The following YY1AP1 variants were observed in gnomAD, a reference collection of about 807,000 sequenced individuals.
The protein encoded by YY1AP1 is YY1-associated protein 1.
A neutral mutation model predicts 39.9 loss-of-function variants in YY1AP1; 43 were observed. That is an observed-to-expected ratio of 1.08 (90% CI 0.84 to 1.39). YY1AP1 has a LOEUF of 1.39. Ranked by LOEUF, YY1AP1 falls within the 40% of genes most tolerant of loss-of-function variation. The pLI, the probability that YY1AP1 is intolerant of heterozygous loss-of-function variation, is 0.00. For synonymous variants in YY1AP1, 292 were observed against 331.3 expected, an observed-to-expected ratio of 0.88 and a Z score of 1.29; for missense variants, 813 against 900.7, an observed-to-expected ratio of 0.90 and a Z score of 1.25.
chr1:155,679,279 G>A (rs1249064416), intron 4 of YY1AP1, 130 bp downstream of exon 4: 60 of 1,545,710 alleles, frequency 3.9e-5, no homozygotes, highest in Non-Finnish European at 4.7e-5. Flanking sequence ...ACTCCTGACA[G>A]GACTCTGCAT....
chr1:155,664,981 A>G (rs1381040072), intron 9 of YY1AP1, among the ~76,000 whole-genome samples: 1 of 151,830 alleles, frequency 6.6e-6, no homozygotes, highest in Non-Finnish European at 1.5e-5. Context: ...CACATTAGCC[A>G]GGATGGTCTC....
chr1:155,678,085 C>CA (rs1443203229), intron 4 of YY1AP1, among the ~76,000 whole-genome samples: 1 of 152,202 alleles, frequency 6.6e-6, no homozygotes, highest in Admixed American at 6.5e-5. Flanking sequence ...ACCACATAGT[C>CA]AGAGGTGGCT....
At position 155,670,734 on chromosome 1, in the gene YY1AP1, G is replaced by A. The variant is rs181008313; in HGVS notation, c.584-270C>T. ...TCTGTCGCCCAGACTGGAGTGCGTGGCGCAATCTTGGCTCACTGCAAGCTC... is the reference window on the plus strand; with the variant it reads ...TCTGTCGCCCAGACTGGAGTGCGTGACGCAATCTTGGCTCACTGCAAGCTC... On this transcript the variant is annotated intron_variant, in intron 7 of 10. Coordinates refer to ENST00000355499, the MANE Select transcript of YY1AP1 (RefSeq NM_139119.3). 1,644 of 351,644 alleles carry A rather than the reference G, an allele frequency of 4.7e-3. 7 individuals are homozygous for A. Among genetic ancestry groups the A allele is most frequent in the South Asian group, 6.3e-3 (248 of 39,310 alleles). 21.8% of individuals were successfully genotyped at this position (351,644 alleles called of 1,614,324 possible).
At chr1:155,661,951 C>A (rs113124660) in intron 9 of YY1AP1, among the ~76,000 whole-genome samples, 3 of 152,196 alleles carry the variant, frequency 2.0e-5, no homozygotes, top group African/African-American at 7.2e-5. Context: ...CCACCGCGCC[C>A]AGCCCTATTC....
At chr1:155,688,483 C>A (rs1653032750) in intron 1 of YY1AP1, 176 bp downstream of exon 1, 5 of 1,549,378 alleles carry the variant, frequency 3.2e-6, no homozygotes, top group Non-Finnish European at 3.5e-6. Context: ...CACGTCAGCC[C>A]GCACGCGTAC....
At chr1:155,661,555 C>G (rs1648150429) in intron 9 of YY1AP1, 132 bp from the exon 10 acceptor site, 1 of 1,032,862 alleles carries the variant, frequency 9.7e-7, no homozygotes, top group African/African-American at 2.1e-5. Context: ...ACACACAAGA[C>G]CACATACACA....
At chr1:155,683,456 T>C (rs348187) in intron 2 of YY1AP1, among the ~76,000 whole-genome samples, 18,407 of 151,754 alleles carry the variant, frequency 0.12, 3,856 homozygotes, top group African/African-American at 0.42. Context: ...TGAGAACAGC[T>C]TGGCTACTGG....
Position 155,672,692 on chromosome 1 carries a change from G to T in YY1AP1, c.451C>A (p.His151Asn), listed in dbSNP as rs768432899. ...GTFAQSSIAL[H>N]HQYNPKFQTL... is the part of the protein sequence containing the mutation. ...TGAAACTTGGGGTTGTACTGATGGT[G>T]AAGGGCGATGGAGCTTTGAGCAAAG... The change falls in exon 7 of 11, where the codon CAC becomes AAC. Residue 151 changes from histidine to asparagine, a missense_variant. Around this residue, in one of 3 missense-constraint regions of YY1AP1, gnomAD observed 196 missense variants for 189.7 expected, o/e 1.03. Coordinates refer to ENST00000355499, the MANE Select transcript of YY1AP1 (RefSeq NM_139119.3). 1 of 1,614,172 alleles carries T rather than the reference G, an allele frequency of 6.2e-7. No homozygotes were observed. The highest frequency in any genetic ancestry group is 8.5e-7 in the Non-Finnish European group (1 of 1,180,040).
intron 2 of YY1AP1, among the ~76,000 whole-genome samples, chr1:155,685,151 T>C (rs1359342184): frequency 6.6e-6 from 1 of 152,218 alleles, no homozygotes; most frequent in Non-Finnish European, 1.5e-5. Flanking sequence ...AACATATTTT[T>C]TTAAAGTACA....
At chr1:155,677,412 A>G (rs1650857218) in intron 4 of YY1AP1, among the ~76,000 whole-genome samples, 1 of 152,130 alleles carries the variant, frequency 6.6e-6, no homozygotes, top group Non-Finnish European at 1.5e-5. Flanking sequence ...TCCAATACCT[A>G]GCATGTCAGT....
chr1:155,679,379 T>C (rs1478875946), intron 4 of YY1AP1, 30 bp downstream of exon 4: 1 of 1,614,028 alleles, frequency 6.2e-7, no homozygotes, highest in Admixed American at 1.7e-5. Flanking sequence ...CTTCCTCTAT[T>C]CCAAATCTCA....
At position 155,661,431 on chromosome 1, in the gene YY1AP1, T is replaced by C; in HGVS notation, c.880-8A>G. 1 of 1,613,342 alleles carries C rather than the reference T, an allele frequency of 6.2e-7. No individual in the cohort carries two copies. Among genetic ancestry groups the C allele is most frequent in the Non-Finnish European group, 8.5e-7 (1 of 1,179,794 alleles). The stretch of plus-strand genomic sequence containing the variant: ...TTTGGTCTTCTTATAAAACTTAACA[T>C]GAAAAAAATGCGCATGAATTACATT... On this transcript the variant is annotated splice_polypyrimidine_tract_variant and splice_region_variant and intron_variant, in intron 9 of 10. Coordinates refer to ENST00000355499, the MANE Select transcript of YY1AP1 (RefSeq NM_139119.3).
At position 155,680,475 on chromosome 1, in the gene YY1AP1, T is replaced by A; in HGVS notation, c.-20-19A>T. On this transcript the variant is annotated intron_variant, in intron 2 of 10. Coordinates refer to ENST00000355499, the MANE Select transcript of YY1AP1 (RefSeq NM_139119.3). Reference sequence around the variant, plus strand: ...TCCTTTTCTGCAAAAAAGCCAAACGTTGTTGGTATAAATTAGATTCATTTT... The same window carrying A: ...TCCTTTTCTGCAAAAAAGCCAAACGATGTTGGTATAAATTAGATTCATTTT... 6.2e-7 allele frequency: 1 copy of A among 1,609,870 alleles called. No individual in the cohort carries two copies. Among genetic ancestry groups the A allele is most frequent in the Non-Finnish European group, 8.5e-7 (1 of 1,176,506 alleles).
chr1:155,670,674 A>AC (rs1474136292), intron 7 of YY1AP1: 2 of 416,788 alleles, frequency 4.8e-6, no homozygotes, highest in African/African-American at 2.4e-5. Flanking sequence ...ATAAAAGTTG[A>AC]CTTTTTTTTT....
At chr1:155,673,235 C>T (rs1443778825) in intron 6 of YY1AP1, among the ~76,000 whole-genome samples, 1 of 152,140 alleles carries the variant, frequency 6.6e-6, no homozygotes, top group Admixed American at 6.5e-5. Flanking sequence ...AGGCTGATCT[C>T]GAACTCCTGG....
At chr1:155,670,677 T>C (rs1649720304) in intron 7 of YY1AP1, 3 of 124,092 alleles carry the variant, frequency 2.4e-5, no homozygotes, top group East Asian at 4.1e-4. Flanking sequence ...AAAGTTGACT[T>C]TTTTTTTTTT....
chr1:155,687,140 AC>A (rs1351759531), intron 2 of YY1AP1, among the ~76,000 whole-genome samples: 2 of 152,202 alleles, frequency 1.3e-5, no homozygotes, highest in Non-Finnish European at 2.9e-5. Context: ...GTAAACTATT[AC>A]TATAAACCCG....
intron 5 of YY1AP1, 123 bp downstream of exon 5, chr1:155,676,425 T>G: frequency 8.5e-7 from 1 of 1,173,186 alleles, no homozygotes; most frequent in Admixed American, 1.9e-5. Flanking sequence ...GATACTACGG[T>G]TTTAATACGT....
chr1:155,688,021 C>T (rs377366225), intron 2 of YY1AP1, 50 bp downstream of exon 2: 34 of 1,518,420 alleles, frequency 2.2e-5, no homozygotes, highest in African/African-American at 4.2e-5. Context: ...AGGATTCAAT[C>T]GCTGAGAGAG....
Sources: gnomAD v4.1 joint callset for allele counts (sites outside exome capture counted in the v4.1 genomes callset) on GRCh38, gnomAD v4.1.1 for gene constraint, gnomAD v4.1.1 regional missense constraint, MANE v1.5 for transcripts, NCBI Gene and HGNC (gene_info 2026-07-23, HGNC 2026-07-21) for gene names.